CCDC68: variants seen among roughly 807,000 people sequenced by gnomAD.
CCDC68 encodes coiled-coil domain-containing protein 68.
CCDC68 carries 45 observed loss-of-function variants against 47.1 expected under a neutral mutation model. The ratio of observed to expected loss-of-function variants is 0.96; its 90% CI spans 0.75 to 1.23. The LOEUF (loss-of-function observed/expected upper bound fraction) is 1.23. CCDC68 is among the 50% of genes most tolerant of loss of function. The pLI, the probability that CCDC68 is intolerant of heterozygous loss-of-function variation, is 0.00. For missense variants in CCDC68, 353 were observed against 373.6 expected (o/e 0.94, Z 0.45); for synonymous variants, 131 against 129.5 (o/e 1.01, Z -0.08).
chr18:54,904,052 A>C lies in CCDC68; in HGVS notation c.*306T>G. ...GAATTGACAATCTTAAAACAATCCC[A>C]GTAGAAAAAAAAATCTGAAAACAAG... On this transcript the variant is annotated 3_prime_UTR_variant, in exon 12 of 12. Coordinates refer to ENST00000591504, the MANE Select transcript of CCDC68 (RefSeq NM_025214.3). The C allele has an allele frequency of 3.7e-6, 1 of 267,544 alleles. No individual in the cohort carries two copies. The highest frequency in any genetic ancestry group is 7.0e-6 in the Non-Finnish European group (1 of 142,626). The allele number at this position is 267,544 out of a possible 1,614,324, so 16.6% of individuals were successfully genotyped here.
rs760708020 is a variant in CCDC68, at chr18:54,942,729, G to A, written c.63C>T (p.Ala21=). 1.7e-5 allele frequency: 27 copies of A among 1,612,632 alleles called. No individual in the cohort carries two copies. Among genetic ancestry groups the A allele is most frequent in the Non-Finnish European group, 2.0e-5 (24 of 1,179,230 alleles). Residue 21 remains alanine, a synonymous_variant, in exon 3 of 12, where the codon GCC becomes GCT. Transcript: ENST00000591504. Reference sequence around the variant, plus strand: ...TGTGAGCGGACGTAGACTCATACAAGGCAGAATTATCTTCCATCTTATCCC... The same window carrying A: ...TGTGAGCGGACGTAGACTCATACAAAGCAGAATTATCTTCCATCTTATCCC... The part of the protein sequence containing the change: ...PPRDKMEDNS[A]LYESTSAHII...
intron 10 of CCDC68, among the ~76,000 whole-genome samples, chr18:54,908,862 A>G (rs750598315): frequency 6.6e-6 from 1 of 151,970 alleles, no homozygotes; most frequent in Non-Finnish European, 1.5e-5. Context: ...AGTGTGCACC[A>G]CTATGCCTGG....
At chr18:54,934,321 A>G (rs2044308883) in intron 7 of CCDC68, among the ~76,000 whole-genome samples, 1 of 152,154 alleles carries the variant, frequency 6.6e-6, no homozygotes, top group African/African-American at 2.4e-5. Flanking sequence ...TAAAGTTCCA[A>G]TTTCTATAGA....
rs753024038 is a variant in CCDC68 at position 54,934,943 on chromosome 18, G to C, written c.477C>G (p.Asn159Lys). 1 of 1,587,364 alleles carries C rather than the reference G, an allele frequency of 6.3e-7. No homozygotes were observed. The highest frequency in any genetic ancestry group is 8.6e-7 in the Non-Finnish European group (1 of 1,169,380). ...QEDSKQLLQV[N>K]KLEKEQKLKQ... ...TCAATTTCTGTTCTTTTTCAAGCTT[G>C]TTAACCTATGGTCAGAGAATCAGTT... Residue 159 changes from asparagine (N) to lysine (K), a missense_variant, in exon 7 of 12, where the codon AAC (asparagine) becomes AAG (lysine). Coordinates refer to ENST00000591504, the MANE Select transcript of CCDC68 (RefSeq NM_025214.3).
intron 1 of CCDC68, among the ~76,000 whole-genome samples, chr18:54,956,224 G>A (rs1375323396): frequency 6.6e-6 from 1 of 152,160 alleles, no homozygotes; most frequent in Non-Finnish European, 1.5e-5. Context: ...TCCTGACCTC[G>A]TGATCTGCCC....
At chr18:54,908,343 C>A (rs1044824768) in intron 10 of CCDC68, among the ~76,000 whole-genome samples, 4 of 152,106 alleles carry the variant, frequency 2.6e-5, no homozygotes, top group Non-Finnish European at 5.9e-5. Flanking sequence ...ACCTTAGTTT[C>A]TTTATATCTA....
At chr18:54,938,502 A>T (rs1394005552) in intron 4 of CCDC68, among the ~76,000 whole-genome samples, 1 of 152,338 alleles carries the variant, frequency 6.6e-6, no homozygotes, top group East Asian at 1.9e-4. Context: ...ATAATAGTCA[A>T]TGTTTGGTGA....
chr18:54,916,216 T>C (rs1487939955), intron 10 of CCDC68, among the ~76,000 whole-genome samples: 1 of 152,076 alleles, frequency 6.6e-6, no homozygotes, highest in Non-Finnish European at 1.5e-5. Context: ...GAGAGCAGTG[T>C]GTTAATCAGT....
intron 5 of CCDC68, 58 bp from the exon 6 acceptor site, chr18:54,937,016 G>A (rs1175250569): frequency 1.4e-5 from 22 of 1,583,292 alleles, no homozygotes; most frequent in Non-Finnish European, 1.9e-5. Context: ...GTTAAAGGCA[G>A]AACAGTTTGA....
At chr18:54,952,061 A>T (rs2044628213) in intron 1 of CCDC68, among the ~76,000 whole-genome samples, 1 of 152,238 alleles carries the variant, frequency 6.6e-6, no homozygotes, top group Non-Finnish European at 1.5e-5. Context: ...CTCACAACTT[A>T]TTGTGGACAT....
chr18:54,956,902 A>C (rs2044720687), intron 1 of CCDC68, among the ~76,000 whole-genome samples: 1 of 152,160 alleles, frequency 6.6e-6, no homozygotes, highest in Non-Finnish European at 1.5e-5. Context: ...ATGGTATGTA[A>C]ATTATACCTC....
chr18:54,931,309 T>C (rs1334154661), intron 7 of CCDC68, among the ~76,000 whole-genome samples: 1 of 152,184 alleles, frequency 6.6e-6, no homozygotes, highest in East Asian at 1.9e-4. Flanking sequence ...GGCAATGTCT[T>C]CAGGAAAGGG....
At chr18:54,919,167 G>C (rs1259246049) in intron 9 of CCDC68, 104 bp downstream of exon 9, 1 of 828,906 alleles carries the variant, frequency 1.2e-6, no homozygotes, top group East Asian at 2.4e-5. Context: ...ATGTCAGTAG[G>C]GAGAGAAATC....
rs1174812438 is a variant in CCDC68 at position 54,901,742 on chromosome 18, T to C, written c.*2616A>G. ...ATTTCAGACCCACCTCAGACCTTCT[T>C]ATCCAATAAATTCAAGAGTATAATT... On this transcript the variant is annotated 3_prime_UTR_variant, in exon 12 of 12. Transcript: ENST00000591504. The C allele has an allele frequency of 6.6e-6, 1 of 152,172 alleles. No individual in the cohort carries two copies. Among genetic ancestry groups the C allele is most frequent in the Non-Finnish European group, 1.5e-5 (1 of 68,022 alleles). 9.4% of individuals were successfully genotyped at this position (152,172 alleles called of 1,614,324 possible).
At chr18:54,925,425 T>C (rs1361867290) in intron 8 of CCDC68, among the ~76,000 whole-genome samples, 2 of 152,146 alleles carry the variant, frequency 1.3e-5, no homozygotes, top group African/African-American at 4.8e-5. Flanking sequence ...GTTTAAATCT[T>C]TATAAAGTAC....
intron 8 of CCDC68, among the ~76,000 whole-genome samples, chr18:54,927,017 G>A (rs1232421630): frequency 6.6e-6 from 1 of 152,188 alleles, no homozygotes; most frequent in East Asian, 1.9e-4. Context: ...TGACTTTTCT[G>A]TCTCTTTTTT....
intron 6 of CCDC68, among the ~76,000 whole-genome samples, chr18:54,936,197 ATTAT>A (rs1487478389): frequency 4.2e-5 from 6 of 143,432 alleles, no homozygotes; most frequent in Admixed American, 2.1e-4. Flanking sequence ...AATATATATA[ATTAT>A]TTATATAGAT....
In CCDC68 at chr18:54,936,751, T is replaced by C; in HGVS notation, c.471+82A>G. On this transcript the variant is annotated intron_variant, in intron 6 of 11. Transcript: ENST00000591504. ...AGTCACTTGGCCATTGCTTGTTTCA[T>C]TTCTAACTCTTCTAGAAAGATGAAC... 4 of 1,556,440 alleles carry C rather than the reference T, an allele frequency of 2.6e-6. No homozygotes were observed. In the South Asian group the frequency reaches 3.5e-5, roughly 14 times the overall value.
At chr18:54,953,424 G>A (rs1365288684) in intron 1 of CCDC68, among the ~76,000 whole-genome samples, 1 of 152,110 alleles carries the variant, frequency 6.6e-6, no homozygotes, top group African/African-American at 2.4e-5. Context: ...TTTATCAGAA[G>A]TAACTGGAAG....
Sources: allele counts gnomAD v4.1 joint callset (sites outside exome capture counted in the v4.1 genomes callset), GRCh38; gene constraint gnomAD v4.1.1; transcripts MANE v1.5; gene names NCBI Gene and HGNC (gene_info 2026-07-23, HGNC 2026-07-21).